The following MARCHF1 variants were observed in gnomAD, a reference collection of about 807,000 sequenced individuals.
MARCHF1 encodes the protein E3 ubiquitin-protein ligase MARCHF1.
Under a neutral mutation model 54.2 loss-of-function variants are expected in MARCHF1, and 40 were observed. The ratio of observed to expected loss-of-function variants is 0.74; its 90% CI spans 0.57 to 0.96. The LOEUF (loss-of-function observed/expected upper bound fraction) is 0.96. MARCHF1 is among the 40% of genes least tolerant of loss of function. MARCHF1 has a pLI of 0.00. For missense variants in MARCHF1, 586 were observed against 656.5 expected (o/e 0.89, Z 1.17); for synonymous variants, 236 against 236.3 (o/e 1.00, Z 0.01).
At chr4:164,008,375 C>A (rs1456485524) in intron 2 of MARCHF1, among the ~76,000 whole-genome samples, 1 of 151,936 alleles carries the variant, frequency 6.6e-6, no homozygotes, top group Non-Finnish European at 1.5e-5. Context: ...GAATGCAAAA[C>A]AATAATAGTA....
At chr4:164,334,755 G>A (rs1245784919) in intron 1 of MARCHF1, among the ~76,000 whole-genome samples, 1 of 152,088 alleles carries the variant, frequency 6.6e-6, no homozygotes, top group African/African-American at 2.4e-5. Flanking sequence ...GATGGATCTG[G>A]GCAAAGTAAA....
At chr4:164,279,111 A>G (rs1342274409) in intron 1 of MARCHF1, among the ~76,000 whole-genome samples, 4 of 144,660 alleles carry the variant, frequency 2.8e-5, no homozygotes, top group Non-Finnish European at 3.0e-5. Flanking sequence ...CTTAGGTCAG[A>G]AAAAAAAAAG....
At chr4:163,623,570 T>A (rs1446518557) in intron 5 of MARCHF1, among the ~76,000 whole-genome samples, 1 of 152,168 alleles carries the variant, frequency 6.6e-6, no homozygotes, top group African/African-American at 2.4e-5. Context: ...CTCTCAATAA[T>A]GGGGTCTGAG....
rs189726824 is a variant in MARCHF1 at position 163,619,877 on chromosome 4, G to A, written c.163-6484C>T. On this transcript the variant is annotated intron_variant, in intron 5 of 9. Coordinates refer to ENST00000514618, the MANE Select transcript of MARCHF1 (RefSeq NM_001394959.1). ...CTTATGATGATGTAAAACAAAATGT[G>A]ATATAGGAAAACAGATAAATATGAT... Among the ~76,000 whole-genome samples, 61 of 152,096 alleles carry A rather than the reference G, an allele frequency of 4.0e-4. 1 individual carries two copies. The highest frequency in any genetic ancestry group is 1.4e-3 in the African/African-American group (59 of 41,522).
chr4:164,299,667 T>C (rs1424021538), intron 1 of MARCHF1, among the ~76,000 whole-genome samples: 1 of 152,118 alleles, frequency 6.6e-6, no homozygotes, highest in Non-Finnish European at 1.5e-5. Context: ...ACACAGACCA[T>C]CAATATTGTT....
At chr4:164,242,033 C>T (rs4280689) in intron 1 of MARCHF1, among the ~76,000 whole-genome samples, 80,899 of 151,978 alleles carry the variant, frequency 0.53, 23,234 homozygotes, top group Non-Finnish European at 0.65. Flanking sequence ...AACTGCAAGG[C>T]GGCAGCGAGG....
At chr4:164,064,978 C>T (rs1390075456) in intron 2 of MARCHF1, among the ~76,000 whole-genome samples, 1 of 152,112 alleles carries the variant, frequency 6.6e-6, no homozygotes, top group African/African-American at 2.4e-5. Context: ...GTTGAATCAA[C>T]CTTGCATCCC....
intron 5 of MARCHF1, among the ~76,000 whole-genome samples, chr4:163,648,015 A>T (rs1742824672): frequency 6.6e-6 from 1 of 151,892 alleles, no homozygotes; most frequent in South Asian, 2.1e-4. Flanking sequence ...TAAACTAAGA[A>T]AAAAAGAGAA....
At position 163,883,300 on chromosome 4, in the gene MARCHF1, A is replaced by G. The variant is rs1750459803; in HGVS notation, c.-38-29131T>C. Among the ~76,000 whole-genome samples the G allele has an allele frequency of 2.0e-5, 3 of 151,166 alleles. No individual in the cohort carries two copies. The South Asian group carries it at 6.3e-4, about 31-fold the overall frequency. On this transcript the variant is annotated intron_variant, in intron 3 of 9. Transcript: ENST00000514618. ...GAGAGAGAGAGATTACATTTAACTC[A>G]ATTATTGTTGATCCATATTAAACAA...
At chr4:163,645,619 G>A (rs888163898) in intron 5 of MARCHF1, among the ~76,000 whole-genome samples, 5 of 152,172 alleles carry the variant, frequency 3.3e-5, no homozygotes, top group African/African-American at 1.2e-4. Flanking sequence ...AACTGAATGA[G>A]ATCAGAAAAG....
At chr4:163,548,507 C>G (rs542831154) in intron 8 of MARCHF1, among the ~76,000 whole-genome samples, 1 of 152,306 alleles carries the variant, frequency 6.6e-6, no homozygotes, top group East Asian at 1.9e-4. Flanking sequence ...AAAGATTCAT[C>G]TAGTTCCAGA....
At chr4:164,009,915 T>A (rs1042600312) in intron 2 of MARCHF1, among the ~76,000 whole-genome samples, 4 of 151,982 alleles carry the variant, frequency 2.6e-5, no homozygotes, top group Non-Finnish European at 5.9e-5. Flanking sequence ...CCACTTCTAG[T>A]CAACAAATAT....
intron 4 of MARCHF1, among the ~76,000 whole-genome samples, chr4:163,808,962 T>C (rs1392055243): frequency 6.6e-6 from 1 of 152,164 alleles, no homozygotes; most frequent in Non-Finnish European, 1.5e-5. Flanking sequence ...GTCTATTTCA[T>C]ACAGAGTTGG....
intron 1 of MARCHF1, among the ~76,000 whole-genome samples, chr4:164,164,489 C>A (rs952388754): frequency 1.3e-5 from 2 of 151,898 alleles, no homozygotes; most frequent in Non-Finnish European, 2.9e-5. Flanking sequence ...AACATTCAGA[C>A]CCAGCAAGTA....
At chr4:163,897,145 T>G (rs1750827483) in intron 3 of MARCHF1, among the ~76,000 whole-genome samples, 1 of 152,180 alleles carries the variant, frequency 6.6e-6, no homozygotes. Context: ...ACCTTGTCAT[T>G]ACCACCAACT....
At position 163,719,363 on chromosome 4, in the gene MARCHF1, T is replaced by G. The variant is rs1056127204; in HGVS notation, c.112-18500A>C. 3.3e-5 allele frequency among the ~76,000 whole-genome samples: 5 copies of G among 152,332 alleles called. No individual in the cohort carries two copies. The South Asian group carries it at 1.0e-3, about 32-fold the overall frequency. ...TGTCCCTACAAAGGACATGAACTCATCCTTTTTTGTGACTGCATAGTATTC... is the reference window on the plus strand; with the variant it reads ...TGTCCCTACAAAGGACATGAACTCAGCCTTTTTTGTGACTGCATAGTATTC... On this transcript the variant is annotated intron_variant, in intron 4 of 9. Coordinates refer to ENST00000514618, the MANE Select transcript of MARCHF1 (RefSeq NM_001394959.1).
intron 1 of MARCHF1, among the ~76,000 whole-genome samples, chr4:164,181,334 A>G (rs796733827): frequency 6.6e-5 from 10 of 152,282 alleles, no homozygotes; most frequent in African/African-American, 2.4e-4. Context: ...TGTATCATAT[A>G]CACAAGACAC....
Position 163,613,034 on chromosome 4 carries a change from C to A in MARCHF1, c.247G>T (p.Ala83Ser), listed in dbSNP as rs992208744. ...TCTTCTGACATGTCATGCAAGATGG[C>A]AGATCTAGACAGAGCAGCAGGCAAA... ...CPSTQDICRS[A>S]ILHDMSEESF... Residue 83 changes from alanine (A) to serine (S), a missense_variant, in exon 7 of 10, where the codon GCC (alanine) becomes TCC (serine). By Grantham distance (99) the Ala-to-Ser change is moderately conservative. Around this residue, in one of 3 missense-constraint regions of MARCHF1, gnomAD observed 387 missense variants for 394.6 expected, o/e 0.98. Coordinates refer to ENST00000514618, the MANE Select transcript of MARCHF1 (RefSeq NM_001394959.1). 1.5e-5 allele frequency: 22 copies of A among 1,483,432 alleles called. No homozygotes were observed. In the African/African-American group the frequency reaches 2.0e-4, roughly 13 times the overall value. The allele number at this position is 1,483,432 out of a possible 1,614,324, so 91.9% of individuals were successfully genotyped here.
At chr4:164,136,804 C>T (rs781129606) in intron 1 of MARCHF1, among the ~76,000 whole-genome samples, 8 of 152,110 alleles carry the variant, frequency 5.3e-5, no homozygotes, top group South Asian at 2.1e-4. Flanking sequence ...TTACCTGGGA[C>T]GGTTAAAGTT....
Sources: allele counts gnomAD v4.1 joint callset (sites outside exome capture counted in the v4.1 genomes callset), GRCh38; gene constraint gnomAD v4.1.1; regional missense constraint gnomAD v4.1.1; transcripts MANE v1.5; gene names NCBI Gene and HGNC (gene_info 2026-07-23, HGNC 2026-07-21).